HYDIN: variants seen among roughly 807,000 people sequenced by gnomAD.
HYDIN encodes HYDIN axonemal central pair apparatus protein.
In HYDIN, 132 loss-of-function variants were observed where a neutral mutation model predicts 403.9. The ratio of observed to expected loss-of-function variants is 0.33; its 90% confidence interval spans 0.28 to 0.38. The LOEUF (loss-of-function observed/expected upper bound fraction) is 0.38. Ranked by LOEUF, HYDIN falls within the 10% of genes least tolerant of loss-of-function variation. The probability of loss-of-function intolerance (pLI) is 1.00; values close to 1 mark genes in which losing one functional copy is unlikely to be tolerated. For synonymous variants in HYDIN, 1,202 were observed against 1,891.7 expected, an observed-to-expected ratio of 0.64 and a Z score of 9.46; for missense variants, 2,827 against 5,009.5, an observed-to-expected ratio of 0.56 and a Z score of 13.15.
rs371608422 is a variant in HYDIN, at chr16:70,981,470, G to A, written c.4431C>T (p.His1477=). 2.1e-3 allele frequency: 3,341 copies of A among 1,613,964 alleles called. 9 individuals are homozygous for A. The highest frequency in any genetic ancestry group is 2.3e-3 in the Non-Finnish European group (2,726 of 1,179,956). ...TCAGAGTGATATTTTCTGGGTCCAG[G>A]TGGGCGATCTGTATCTGGAAACTCC... ...FKRSFQIQIA[H]LDPENITLSG... is the part of the protein sequence containing the mutation. Residue 1477 remains histidine, a synonymous_variant, in exon 29 of 86, where the codon CAC becomes CAT. Transcript: ENST00000393567.
chr16:71,141,670 A>C (rs1403294073), intron 7 of HYDIN, among the ~76,000 whole-genome samples: 1 of 152,194 alleles, frequency 6.6e-6, no homozygotes, highest in Non-Finnish European at 1.5e-5. Context: ...TCGTTTCAGC[A>C]ATATATTGGC....
intron 45 of HYDIN, among the ~76,000 whole-genome samples, chr16:70,923,789 C>G (rs1368163255): frequency 6.7e-6 from 1 of 148,448 alleles, no homozygotes; most frequent in Non-Finnish European, 1.5e-5. Context: ...CCACTGCACT[C>G]CGGCCTCGGC....
At chr16:70,813,022 G>A (rs952269475) in intron 84 of HYDIN, among the ~76,000 whole-genome samples, 148 of 151,044 alleles carry the variant, frequency 9.8e-4, no homozygotes, top group Middle Eastern at 6.8e-3. Context: ...TTGCCATCTC[G>A]GCTCACTGCA....
At chr16:70,902,843 C>T (rs2076432579) in intron 52 of HYDIN, among the ~76,000 whole-genome samples, 1 of 104,518 alleles carries the variant, frequency 9.6e-6, no homozygotes, top group African/African-American at 5.5e-5. Context: ...TTTTTTGTCC[C>T]ACTCTCTCTC....
intron 75 of HYDIN, 88 bp from the exon 76 acceptor site, chr16:70,840,321 T>G: frequency 8.2e-7 from 1 of 1,215,576 alleles, no homozygotes; most frequent in South Asian, 1.4e-5. Context: ...GGAAAGCAGT[T>G]GGTGCTTTAA....
intron 1 of HYDIN, among the ~76,000 whole-genome samples, chr16:71,215,478 C>T (rs1447280647): frequency 1.3e-5 from 2 of 151,988 alleles, no homozygotes; most frequent in Non-Finnish European, 2.9e-5. Flanking sequence ...AGCTCTTATG[C>T]TAAAACTTTG....
chr16:70,946,226 C>A (rs1360841738), intron 41 of HYDIN, among the ~76,000 whole-genome samples: 1 of 142,814 alleles, frequency 7.0e-6, no homozygotes. Flanking sequence ...ATGGAGGCTG[C>A]TGGAAGACTT....
In HYDIN at chr16:71,044,999, T is replaced by C. The variant is rs533722353; in HGVS notation, c.2530-13082A>G. Among the ~76,000 whole-genome samples the C allele has an allele frequency of 5.9e-5, 9 of 151,510 alleles. No homozygotes were observed. In the South Asian group the frequency reaches 6.3e-4, roughly 11 times the overall value. On this transcript the variant is annotated intron_variant, in intron 18 of 85. Transcript: ENST00000393567. ...GATTTGAATTGAGGGTCTGTTCTAG[T>C]TTATCCTTGTTCCTAGTGTGCATCC...
chr16:71,190,343 G>A (rs1405420155), intron 1 of HYDIN, among the ~76,000 whole-genome samples: 18 of 74,616 alleles, frequency 2.4e-4, no homozygotes, highest in African/African-American at 1.3e-4. Context: ...GACAATTTGA[G>A]CATAAAAAAA....
intron 18 of HYDIN, among the ~76,000 whole-genome samples, chr16:71,053,247 CT>C (rs2081727065): frequency 6.6e-6 from 1 of 152,038 alleles, no homozygotes; most frequent in Non-Finnish European, 1.5e-5. Flanking sequence ...GATATAATCA[CT>C]TTGGAGAGTA....
intron 1 of HYDIN, among the ~76,000 whole-genome samples, chr16:71,223,447 A>G (rs2040888974): frequency 6.6e-6 from 1 of 152,206 alleles, no homozygotes; most frequent in Non-Finnish European, 1.5e-5. Flanking sequence ...CCTAAACGCA[A>G]ATGTGACAAA....
At chr16:71,078,460 G>T (rs1412579456) in intron 13 of HYDIN, among the ~76,000 whole-genome samples, 53 of 151,902 alleles carry the variant, frequency 3.5e-4, no homozygotes. Flanking sequence ...ATCTGCAATT[G>T]TATTTCTTTC....
chr16:71,043,784 T>A (rs1330294078), intron 18 of HYDIN, among the ~76,000 whole-genome samples: 8 of 152,054 alleles, frequency 5.3e-5, no homozygotes, highest in Non-Finnish European at 1.2e-4. Flanking sequence ...GTTAAGTATT[T>A]ATGTTTAAGA....
At chr16:71,040,951 A>G (rs932134054) in intron 18 of HYDIN, among the ~76,000 whole-genome samples, 9 of 148,970 alleles carry the variant, frequency 6.0e-5, no homozygotes, top group African/African-American at 2.2e-4. Flanking sequence ...AGAAGAATGA[A>G]TCACGTCCTC....
chr16:70,839,655 A>T (rs1597091313), intron 76 of HYDIN, among the ~76,000 whole-genome samples: 1 of 152,202 alleles, frequency 6.6e-6, no homozygotes, highest in African/African-American at 2.4e-5. Flanking sequence ...CATCCCACAC[A>T]GGGATGGTGC....
intron 43 of HYDIN, 70 bp from the exon 44 acceptor site, chr16:70,938,825 G>A (rs977339778): frequency 1.9e-5 from 30 of 1,561,074 alleles, no homozygotes; most frequent in African/African-American, 1.2e-4. Context: ...CTAAGCAGGC[G>A]GAGTAGGGTC....
chr16:70,858,066 C>T (rs562868870), intron 71 of HYDIN, among the ~76,000 whole-genome samples, 196 bp from the exon 72 acceptor site: 5,775 of 152,176 alleles, frequency 0.038, 348 homozygotes, highest in African/African-American at 0.13. Context: ...GCCCACATGT[C>T]CTCCTAAGGG....
intron 28 of HYDIN, among the ~76,000 whole-genome samples, chr16:70,984,086 C>T (rs1040060666): frequency 3.3e-4 from 50 of 152,330 alleles, no homozygotes; most frequent in African/African-American, 9.9e-4. Context: ...TTGGGCTGGG[C>T]GAGATGGGGC....
chr16:70,891,996 T>G (rs1408937953), intron 56 of HYDIN, 112 bp from the exon 57 acceptor site: 5 of 421,098 alleles, frequency 1.2e-5, no homozygotes, highest in Non-Finnish European at 4.2e-6. Flanking sequence ...TGTTCTTTAT[T>G]TCACTGTCTT....
Sources: gnomAD v4.1 joint callset for allele counts (sites outside exome capture counted in the v4.1 genomes callset) on GRCh38, gnomAD v4.1.1 for gene constraint, MANE v1.5 for transcripts, NCBI Gene and HGNC (gene_info 2026-07-23, HGNC 2026-07-21) for gene names.